Variants in THSD4 observed in about 807,000 individuals in gnomAD.
THSD4 encodes thrombospondin type 1 domain containing 4, also known as thrombospondin type-1 domain-containing protein 4.
Under a neutral mutation model 119.0 loss-of-function variants are expected in THSD4, and 69 were observed. The ratio of observed to expected loss-of-function variants is 0.58; its 90% confidence interval spans 0.48 to 0.71. The LOEUF is 0.71. Ranked by LOEUF, THSD4 falls within the 30% of genes least tolerant of loss-of-function variation. The pLI is 0.00. For missense variants in THSD4, 1,393 were observed against 1,391.1 expected (o/e 1.00, Z -0.02); for synonymous variants, 524 against 540.4 (o/e 0.97, Z 0.42).
At chr15:71,681,519 A>T (rs2051776389) in intron 8 of THSD4, among the ~76,000 whole-genome samples, 1 of 151,844 alleles carries the variant, frequency 6.6e-6, no homozygotes, top group African/African-American at 2.4e-5. Flanking sequence ...TCCACTAAAA[A>T]TACAAAAATT....
chr15:71,620,567 A>C (rs916728257), intron 7 of THSD4, among the ~76,000 whole-genome samples: 2 of 152,180 alleles, frequency 1.3e-5, no homozygotes, highest in Admixed American at 1.3e-4. Context: ...ATGATATGTC[A>C]TTAGCAGGGC....
At chr15:71,330,279 A>G (rs754912007) in intron 6 of THSD4, among the ~76,000 whole-genome samples, 6 of 152,034 alleles carry the variant, frequency 3.9e-5, no homozygotes, top group East Asian at 1.9e-4. Context: ...TGTTAAATTC[A>G]TCTTTGAGTC....
At chr15:71,234,450 A>G (rs545944878) in intron 4 of THSD4, among the ~76,000 whole-genome samples, 6 of 152,292 alleles carry the variant, frequency 3.9e-5, no homozygotes, top group African/African-American at 4.8e-5. Flanking sequence ...GACCACAGGC[A>G]TATACCCACC....
intron 7 of THSD4, among the ~76,000 whole-genome samples, chr15:71,611,263 G>A (rs967174555): frequency 2.6e-5 from 4 of 152,228 alleles, no homozygotes; most frequent in African/African-American, 9.6e-5. Flanking sequence ...GGGTTTCCTA[G>A]TGTTGCTATG....
chr15:71,634,252 GAGGAT>G (rs1033734228), intron 7 of THSD4, among the ~76,000 whole-genome samples: 9 of 151,940 alleles, frequency 5.9e-5, no homozygotes, highest in African/African-American at 2.2e-4. Context: ...GGGTTGCTGT[GAGGAT>G]TAGGTGGGAT....
At chr15:71,565,677 T>C (rs1029071633) in intron 7 of THSD4, among the ~76,000 whole-genome samples, 3 of 152,206 alleles carry the variant, frequency 2.0e-5, no homozygotes, top group Non-Finnish European at 4.4e-5. Context: ...GACTCTCTTT[T>C]TTTAAGTTTA....
At chr15:71,604,551 G>A (rs529011329) in intron 7 of THSD4, among the ~76,000 whole-genome samples, 1 of 152,310 alleles carries the variant, frequency 6.6e-6, no homozygotes, top group South Asian at 2.1e-4. Context: ...TCAAGAGGAA[G>A]AATTAGAAAG....
intron 3 of THSD4, among the ~76,000 whole-genome samples, chr15:71,192,653 G>A (rs1455763168): frequency 3.3e-5 from 5 of 152,082 alleles, no homozygotes; most frequent in African/African-American, 7.2e-5. Context: ...TCTCCTAGAC[G>A]GGTTATAAAC....
At chr15:71,547,107 T>C in intron 7 of THSD4, 1 of 768,700 alleles carries the variant, frequency 1.3e-6, no homozygotes, top group South Asian at 4.2e-5. Context: ...GAACTCCACA[T>C]TGATCATTTC....
chr15:71,744,767 T>C (rs1414036881), intron 11 of THSD4, among the ~76,000 whole-genome samples: 2 of 152,192 alleles, frequency 1.3e-5, no homozygotes, highest in Non-Finnish European at 2.9e-5. Flanking sequence ...CTATAATCAT[T>C]CCCCTGCCTA....
chr15:71,208,442 G>A (rs886689435), intron 3 of THSD4, among the ~76,000 whole-genome samples: 2 of 152,070 alleles, frequency 1.3e-5, no homozygotes, highest in African/African-American at 4.8e-5. Context: ...TAAATGGGAA[G>A]GGGACTACAC....
intron 6 of THSD4, among the ~76,000 whole-genome samples, chr15:71,366,338 T>A (rs1225509560): frequency 1.3e-5 from 2 of 152,170 alleles, no homozygotes; most frequent in Non-Finnish European, 2.9e-5. Context: ...CCTCCCAAAG[T>A]GCTGGGAAAC....
At chr15:71,108,964 C>G (rs1407149136) in intron 1 of THSD4, among the ~76,000 whole-genome samples, 1 of 152,148 alleles carries the variant, frequency 6.6e-6, no homozygotes, top group Non-Finnish European at 1.5e-5. Flanking sequence ...TGCACTCCAG[C>G]CTGGGCAACA....
intron 6 of THSD4, among the ~76,000 whole-genome samples, chr15:71,276,531 G>A (rs1405361557): frequency 6.6e-6 from 1 of 152,134 alleles, no homozygotes; most frequent in Non-Finnish European, 1.5e-5. Context: ...GCCTTGATTG[G>A]GCTTGGGAAG....
chr15:71,626,820 C>G (rs1358680765), intron 7 of THSD4, among the ~76,000 whole-genome samples: 1 of 152,144 alleles, frequency 6.6e-6, no homozygotes, highest in Non-Finnish European at 1.5e-5. Context: ...TTTCACTGTT[C>G]TTATCTAGCT....
chr15:71,683,086 C>T (rs1413399075), intron 8 of THSD4, among the ~76,000 whole-genome samples: 1 of 151,420 alleles, frequency 6.6e-6, no homozygotes, highest in African/African-American at 2.4e-5. Flanking sequence ...CATGCCTGGC[C>T]GATTTTTGTA....
intron 1 of THSD4, among the ~76,000 whole-genome samples, chr15:71,118,142 C>G (rs939084388): frequency 1.3e-5 from 2 of 151,838 alleles, no homozygotes; most frequent in Admixed American, 6.6e-5. Context: ...GGAAAGAGCT[C>G]GAGGAAAGAC....
chr15:71,442,656 GTGTGTATA>G (rs1299673168), intron 7 of THSD4, among the ~76,000 whole-genome samples: 12 of 30,646 alleles, frequency 3.9e-4, no homozygotes, highest in African/African-American at 1.0e-3. Flanking sequence ...GTGTGTGTGT[GTGTGTATA>G]TATATATATA....
At chr15:71,550,804 A>G (rs910241803) in intron 7 of THSD4, among the ~76,000 whole-genome samples, 1 of 152,206 alleles carries the variant, frequency 6.6e-6, no homozygotes, top group Non-Finnish European at 1.5e-5. Context: ...ATGGGTACAG[A>G]CAAGGTTTCT....
Sources: allele counts gnomAD v4.1 joint callset (sites outside exome capture counted in the v4.1 genomes callset), GRCh38; gene constraint gnomAD v4.1.1; transcripts MANE v1.5; gene names NCBI Gene and HGNC (gene_info 2026-07-23, HGNC 2026-07-21).